Variants in EVC2 observed in about 807,000 individuals in gnomAD.
The protein encoded by EVC2 is limbin.
EVC2 carries 148 observed loss-of-function variants against 149.3 expected under a neutral mutation model. The ratio of observed to expected loss-of-function variants is 0.99; its 90% CI spans 0.87 to 1.14. EVC2 has a LOEUF of 1.14. Ranked by LOEUF, EVC2 falls within the 50% of genes most tolerant of loss-of-function variation. EVC2 has a pLI of 0.00. For synonymous variants in EVC2, 776 were observed against 649.9 expected (o/e 1.19, Z -2.95); for missense variants, 1,854 against 1,627.3 (o/e 1.14, Z -2.40).
In EVC2 at chr4:5,691,252, A is replaced by G; in HGVS notation, c.519+13T>C. ...ATTTTCTCTTCAAATATACACCACC[A>G]GTGGAAACTTACCAGTGCACATTTC... On this transcript the variant is annotated intron_variant, in intron 4 of 21. Transcript: ENST00000344408. The G allele has an allele frequency of 6.2e-7, 1 of 1,610,492 alleles. No homozygotes were observed. Among genetic ancestry groups the G allele is most frequent in the Non-Finnish European group, 8.5e-7 (1 of 1,176,792 alleles).
intron 9 of EVC2, among the ~76,000 whole-genome samples, chr4:5,656,363 C>T (rs557164873): frequency 1.3e-5 from 2 of 152,336 alleles, no homozygotes; most frequent in Admixed American, 6.5e-5. Context: ...CCTCAAGTCT[C>T]CACTTCCTTC....
At chr4:5,702,324 C>A (rs995295557) in intron 1 of EVC2, among the ~76,000 whole-genome samples, 56 of 152,202 alleles carry the variant, frequency 3.7e-4, no homozygotes, top group African/African-American at 1.4e-3. Context: ...TAACATGATT[C>A]CTGCCTTTTT....
chr4:5,572,852 T>C (rs57869874), intron 19 of EVC2, among the ~76,000 whole-genome samples: 5,014 of 152,162 alleles, frequency 0.033, 266 homozygotes, highest in African/African-American at 0.11. Context: ...CGCAGAGACA[T>C]AGGCCGGGGT....
chr4:5,562,875 C>T lies in EVC2; in HGVS notation c.3900G>A (p.Lys1300=). The change falls in exon 22 of 22, where the codon AAG becomes AAA. Residue 1300 remains lysine (K), a synonymous_variant. Coordinates refer to ENST00000344408, the MANE Select transcript of EVC2 (RefSeq NM_147127.5). This position sits in a 1 kb window ranked among gnomAD's most constrained non-coding sequence, Gnocchi z 4.3. ...RKKKNFLNAK[K]AMRALGMD ...AGTCCATGCCCAAGGCCCTCATGGCCTTTTTGGCATTCAAAAAGTTCTTCT... is the reference window on the plus strand; with the variant it reads ...AGTCCATGCCCAAGGCCCTCATGGCTTTTTTGGCATTCAAAAAGTTCTTCT... 6.2e-7 allele frequency: 1 copy of T among 1,614,168 alleles called. No individual in the cohort carries two copies. Among genetic ancestry groups the T allele is most frequent in the Non-Finnish European group, 8.5e-7 (1 of 1,180,030 alleles).
At chr4:5,621,384 T>C (rs1715679447) in intron 14 of EVC2, among the ~76,000 whole-genome samples, 2 of 152,226 alleles carry the variant, frequency 1.3e-5, no homozygotes, top group African/African-American at 4.8e-5. Context: ...TGATTTGATT[T>C]AGTTTTTGTG....
At chr4:5,691,356 T>C (rs1721109868) in intron 3 of EVC2, 23 bp from the exon 4 acceptor site, 2 of 1,580,704 alleles carry the variant, frequency 1.3e-6, no homozygotes, top group African/African-American at 1.3e-5. Context: ...GTAAAAGTTA[T>C]TAGAAAATGA....
downstream of EVC2, among the ~76,000 whole-genome samples, chr4:5,558,485 C>G (rs1721880269): frequency 6.6e-6 from 1 of 152,108 alleles, no homozygotes; most frequent in Admixed American, 6.5e-5. Context: ...GATTGTGTAT[C>G]ATTTTATACA....
At chr4:5,646,632 A>C (rs1717739675) in intron 9 of EVC2, among the ~76,000 whole-genome samples, 1 of 152,214 alleles carries the variant, frequency 6.6e-6, no homozygotes, top group East Asian at 1.9e-4. Flanking sequence ...TTTTCTAATT[A>C]AAGGGTTGGT....
At chr4:5,621,549 G>C (rs983351103) in intron 14 of EVC2, among the ~76,000 whole-genome samples, 2 of 152,190 alleles carry the variant, frequency 1.3e-5, no homozygotes, top group African/African-American at 4.8e-5. Flanking sequence ...TCTGTTGCCA[G>C]CCCCAAACAA....
chr4:5,546,164 C>T (rs112108685), intron 21 of EVC2, among the ~76,000 whole-genome samples: 13 of 152,278 alleles, frequency 8.5e-5, no homozygotes, highest in Admixed American at 5.9e-4. Flanking sequence ...GGCAATTCCT[C>T]GGGGATCTAG....
intron 19 of EVC2, among the ~76,000 whole-genome samples, chr4:5,570,978 C>T (rs1025391958): frequency 6.6e-6 from 1 of 151,902 alleles, no homozygotes. Context: ...ATAAAATGGA[C>T]TTTGGGGACT....
At chr4:5,694,300 G>A (rs1721319755) in intron 3 of EVC2, 35 bp downstream of exon 3, 1 of 1,609,512 alleles carries the variant, frequency 6.2e-7, no homozygotes, top group South Asian at 1.1e-5. Flanking sequence ...TCCAACTTCT[G>A]GTATTTGTGT....
intron 21 of EVC2, among the ~76,000 whole-genome samples, chr4:5,556,301 A>G (rs559619505): frequency 1.6e-4 from 25 of 151,990 alleles, no homozygotes; most frequent in Non-Finnish European, 3.5e-4. Context: ...AACAGAATAT[A>G]GCGTAATATA....
intron 6 of EVC2, among the ~76,000 whole-genome samples, chr4:5,684,525 G>A (rs528605815): frequency 4.6e-5 from 7 of 152,304 alleles, no homozygotes; most frequent in South Asian, 2.1e-4. Flanking sequence ...AGGAAGCAGA[G>A]CATCATGATC....
chr4:5,607,453 T>C (rs1186266392), intron 16 of EVC2, among the ~76,000 whole-genome samples: 1 of 152,242 alleles, frequency 6.6e-6, no homozygotes, highest in Non-Finnish European at 1.5e-5. Context: ...CTGCAAATTC[T>C]GTGTCTGTGC....
rs113265366 is a variant in EVC2 at position 5,692,337 on chromosome 4, T to C, written c.451-1004A>G. Among the ~76,000 whole-genome samples, 398 of 152,118 alleles carry C rather than the reference T, an allele frequency of 2.6e-3. 4 individuals carry two copies. The highest frequency in any genetic ancestry group is 9.4e-3 in the African/African-American group (390 of 41,524). ...GCCACCACACTGGGCCTAATAACCA[T>C]AAAATGTCTGTCATTGGCTGAGGGC... On this transcript the variant is annotated intron_variant, in intron 3 of 21. Transcript: ENST00000344408.
the EVC2 span, among the ~76,000 whole-genome samples, chr4:5,529,132 G>A: frequency 2.0e-5 from 3 of 152,194 alleles, no homozygotes; most frequent in South Asian, 4.2e-4. The surrounding 1 kb of genome is among the most constrained non-coding windows in gnomAD (Gnocchi z 4.5). Flanking sequence ...TGCTGAATGG[G>A]GCACACTCCT....
At chr4:5,550,723 CAG>C (rs1378840226) in intron 21 of EVC2, among the ~76,000 whole-genome samples, 1 of 152,182 alleles carries the variant, frequency 6.6e-6, no homozygotes, top group Non-Finnish European at 1.5e-5. Flanking sequence ...CAGGGCAGGT[CAG>C]AAGTCTTCAC....
At chr4:5,649,143 T>C (rs1717936844) in intron 9 of EVC2, among the ~76,000 whole-genome samples, 1 of 152,212 alleles carries the variant, frequency 6.6e-6, no homozygotes, top group African/African-American at 2.4e-5. Flanking sequence ...GTCTGGGGCA[T>C]CTTTACTACC....
Sources: gnomAD v4.1 joint callset for allele counts (sites outside exome capture counted in the v4.1 genomes callset) on GRCh38, gnomAD v4.1.1 for gene constraint, Gnocchi (gnomAD v3.1) non-coding constraint, MANE v1.5 for transcripts, NCBI Gene and HGNC (gene_info 2026-07-23, HGNC 2026-07-21) for gene names.